CRYBB1: variants seen among roughly 807,000 people sequenced by gnomAD.
CRYBB1 encodes beta-crystallin B1.
A neutral mutation model predicts 29.5 loss-of-function variants in CRYBB1; 16 were observed. The ratio of observed to expected loss-of-function variants is 0.54; its 90% CI spans 0.37 to 0.82. The LOEUF (loss-of-function observed/expected upper bound fraction) is 0.82. Among genes scored for constraint, CRYBB1 ranks in the 40% least tolerant of loss-of-function variants. The pLI is 0.00. For missense variants in CRYBB1, 300 were observed against 350.5 expected (o/e 0.86, Z 1.15); for synonymous variants, 127 against 136.7 (o/e 0.93, Z 0.49).
At chr22:26,602,636 C>T (rs1418625479) in intron 4 of CRYBB1, among the ~76,000 whole-genome samples, 1 of 151,548 alleles carries the variant, frequency 6.6e-6, no homozygotes, top group African/African-American at 2.4e-5. Flanking sequence ...TGATCAGGGA[C>T]AAAAAGGCTC....
At chr22:26,604,075 C>T (rs532781658) in intron 4 of CRYBB1, among the ~76,000 whole-genome samples, 4 of 152,334 alleles carry the variant, frequency 2.6e-5, no homozygotes, top group East Asian at 1.9e-4. Flanking sequence ...TCCATCTTTT[C>T]AAAAGTCATC....
intron 3 of CRYBB1, among the ~76,000 whole-genome samples, chr22:26,611,454 G>T (rs867565657): frequency 0.022 from 3,082 of 142,710 alleles, 46 homozygotes; most frequent in Non-Finnish European, 0.033. Flanking sequence ...GCTAGAGTTT[G>T]TTTTTTTTTT....
chr22:26,607,916 C>CCGAT lies in CRYBB1; in HGVS notation c.401_404dup (p.Leu136SerfsTer21). On this transcript the variant is annotated frameshift_variant, in exon 4 of 6. Transcript: ENST00000647684. LOFTEE classifies it high-confidence loss of function. ...TTTTGATGGGCCGGAAGGACATGAGCCGATCACTGCGGTAGCTGCTCGACC... is the reference window on the plus strand; with the variant it reads ...TTTTGATGGGCCGGAAGGACATGAGCCGATCGATCACTGCGGTAGCTGCTCGACC... 1 of 1,614,224 alleles carries CCGAT rather than the reference C, an allele frequency of 6.2e-7. No individual in the cohort carries two copies. Among genetic ancestry groups the CCGAT allele is most frequent in the Non-Finnish European group, 8.5e-7 (1 of 1,180,048 alleles).
intron 2 of CRYBB1, among the ~76,000 whole-genome samples, chr22:26,613,556 T>C (rs1225260445): frequency 6.6e-6 from 1 of 152,214 alleles, no homozygotes; most frequent in Non-Finnish European, 1.5e-5. Flanking sequence ...ATTGTAAAGA[T>C]TTCATGGACA....
chr22:26,616,134 C>G lies in CRYBB1; in HGVS notation c.180+6G>C, dbSNP rs761015824. On this transcript the variant is annotated splice_donor_region_variant and intron_variant, in intron 2 of 5. Transcript: ENST00000647684. ...GCACCCAGCCACTGCACCCCCAGGT[C>G]CTTACCCTGTAGTTCCCAGGAGGCA... 1 of 1,613,574 alleles carries G rather than the reference C, an allele frequency of 6.2e-7. No homozygotes were observed. The highest frequency in any genetic ancestry group is 8.5e-7 in the Non-Finnish European group (1 of 1,179,478).
At chr22:26,601,046 A>C (rs1928802009) in intron 5 of CRYBB1, among the ~76,000 whole-genome samples, 1 of 152,218 alleles carries the variant, frequency 6.6e-6, no homozygotes, top group African/African-American at 2.4e-5. Context: ...GCTCACAGAC[A>C]AGGCTCCGTA....
chr22:26,604,556 A>G (rs965524188), intron 4 of CRYBB1, among the ~76,000 whole-genome samples: 1 of 152,212 alleles, frequency 6.6e-6, no homozygotes, highest in African/African-American at 2.4e-5. Flanking sequence ...AAGAAGTGAC[A>G]CTAGAGAGGG....
Position 26,614,338 on chromosome 22 carries a change from C to A in CRYBB1, c.180+1802G>T, listed in dbSNP as rs149031599. Among the ~76,000 whole-genome samples, 9 of 152,154 alleles carry A rather than the reference C, an allele frequency of 5.9e-5. 1 individual carries two copies. The highest frequency in any genetic ancestry group is 3.9e-4 in the Admixed American group (6 of 15,258). ...CGGAACCTACTGACATGTGATGTCT[C>A]CCCCGGACGCCCAGCTTTACAATTT... On this transcript the variant is annotated intron_variant, in intron 2 of 5. Transcript: ENST00000647684.
intron 4 of CRYBB1, among the ~76,000 whole-genome samples, chr22:26,602,605 TA>T (rs1393892210): frequency 2.0e-5 from 3 of 149,394 alleles, no homozygotes; most frequent in Non-Finnish European, 3.0e-5. Context: ...AAAAAAAAAG[TA>T]TTTATTATTT....
At chr22:26,608,152 A>T in intron 3 of CRYBB1, 131 bp from the exon 4 acceptor site, 1 of 1,339,546 alleles carries the variant, frequency 7.5e-7, no homozygotes. Flanking sequence ...AGGGGGCTGA[A>T]CATGTCTGGG....
At chr22:26,605,688 A>AC (rs1265923284) in intron 4 of CRYBB1, among the ~76,000 whole-genome samples, 1 of 151,164 alleles carries the variant, frequency 6.6e-6, no homozygotes, top group African/African-American at 2.4e-5. Context: ...AAAAAAAAAA[A>AC]AAAAGGAAAA....
rs1033047544 is a variant in CRYBB1 at position 26,602,985 on chromosome 22, C to A, written c.433-964G>T. 3.3e-5 allele frequency among the ~76,000 whole-genome samples: 5 copies of A among 151,666 alleles called. 1 individual carries two copies. The highest frequency in any genetic ancestry group is 5.9e-5 in the Non-Finnish European group (4 of 67,954). On this transcript the variant is annotated intron_variant, in intron 4 of 5. Transcript: ENST00000647684. ...AAAAATACAAAAAAAATTAGCCGGG[C>A]GTGGTGGTGGGAGCCTGTAGTCCCA...
At position 26,599,534 on chromosome 22, in the gene CRYBB1, G is replaced by A; in HGVS notation, c.715C>T (p.Leu239Phe). 6 of 1,613,920 alleles carry A rather than the reference G, an allele frequency of 3.7e-6. No homozygotes were observed. Among genetic ancestry groups the A allele is most frequent in the Non-Finnish European group, 4.2e-6 (5 of 1,180,042 alleles). ...LRRLRDKQWH[L>F]EGSFPVLATE... Reference sequence around the variant, plus strand: ...GCCAGGACAGGGAAGGACCCCTCGAGGTGCCACTGCTTGTCACGCAGGCGA... The same window carrying A: ...GCCAGGACAGGGAAGGACCCCTCGAAGTGCCACTGCTTGTCACGCAGGCGA... Residue 239 changes from leucine to phenylalanine, a missense_variant, in exon 6 of 6, where the codon CTC becomes TTC. Physicochemically the swap from Leu to Phe is conservative, Grantham distance 22. Transcript: ENST00000647684.
At chr22:26,602,438 T>A (rs993974144) in intron 4 of CRYBB1, among the ~76,000 whole-genome samples, 1 of 151,742 alleles carries the variant, frequency 6.6e-6, no homozygotes, top group Non-Finnish European at 1.5e-5. Context: ...AATTTTTTTT[T>A]TAATTTGCCA....
At chr22:26,617,786 C>A (rs1457469915) in intron 1 of CRYBB1, among the ~76,000 whole-genome samples, 191 bp downstream of exon 1, 2 of 151,976 alleles carry the variant, frequency 1.3e-5, no homozygotes, top group Non-Finnish European at 2.9e-5. Context: ...ACTTCTCTCT[C>A]TATTTCTGTC....
At chr22:26,614,501 C>A (rs571926508) in intron 2 of CRYBB1, among the ~76,000 whole-genome samples, 1 of 152,252 alleles carries the variant, frequency 6.6e-6, no homozygotes, top group African/African-American at 2.4e-5. Context: ...ATGCTGTTCA[C>A]GAGAGCAAAG....
chr22:26,617,062 C>A (rs1929379989), intron 1 of CRYBB1, among the ~76,000 whole-genome samples: 1 of 152,200 alleles, frequency 6.6e-6, no homozygotes, highest in South Asian at 2.1e-4. Context: ...CCGTCTGCTT[C>A]CTCTGAGGGG....
rs1255157204 is a variant in CRYBB1, at chr22:26,612,043, A to G, written c.299+29T>C. 2.7e-6 allele frequency: 4 copies of G among 1,477,922 alleles called. No homozygotes were observed. The South Asian group carries it at 4.5e-5, about 17-fold the overall frequency. The allele number at this position is 1,477,922 out of a possible 1,614,324, so 91.6% of individuals were successfully genotyped here. ...GTGTGGTCATTTTACTGTGGCAGAG[A>G]GTGTGCCCCTCCGCCGCCCAGTACT... is the stretch of plus-strand genomic sequence containing the variant. On this transcript the variant is annotated intron_variant, in intron 3 of 5. Transcript: ENST00000647684.
chr22:26,610,660 C>T (rs931462596), intron 3 of CRYBB1, among the ~76,000 whole-genome samples: 5 of 152,110 alleles, frequency 3.3e-5, no homozygotes, highest in African/African-American at 9.7e-5. Context: ...CTAAATTCAC[C>T]GGGCAGGGAG....
Sources: allele counts gnomAD v4.1 joint callset (sites outside exome capture counted in the v4.1 genomes callset), GRCh38; gene constraint gnomAD v4.1.1; transcripts MANE v1.5; gene names NCBI Gene and HGNC (gene_info 2026-07-23, HGNC 2026-07-21).